PUDP: variants seen among roughly 807,000 people sequenced by gnomAD.
The protein encoded by PUDP is pseudouridine-5'-phosphatase.
Under a neutral mutation model 9.4 loss-of-function variants are expected in PUDP, and 8 were observed. The ratio of observed to expected loss-of-function variants is 0.85; its 90% CI spans 0.50 to 1.53. The LOEUF (loss-of-function observed/expected upper bound fraction) is 1.53. PUDP is among the 40% of genes most tolerant of loss of function. PUDP has a pLI of 0.00. For synonymous variants in PUDP, 99 were observed against 80.7 expected, an observed-to-expected ratio of 1.23 and a Z score of -1.22; for missense variants, 188 against 189.7, an observed-to-expected ratio of 0.99 and a Z score of 0.05.
intron 3 of PUDP, among the ~76,000 whole-genome samples, chrX:6,947,102 G>C (rs953030121): frequency 9.2e-6 from 1 of 108,947 alleles, no homozygotes; most frequent in African/African-American, 3.3e-5. Context: ...CTGGGTTCGA[G>C]TGATTCGCCT....
intron 1 of PUDP, among the ~76,000 whole-genome samples, chrX:6,993,348 C>G (rs991385838): frequency 2.7e-5 from 3 of 111,930 alleles, no homozygotes; most frequent in African/African-American, 9.8e-5. Flanking sequence ...CCAAAGTTCC[C>G]TGGTATTATT....
intron 3 of PUDP, among the ~76,000 whole-genome samples, chrX:7,053,100 G>A (rs962614585): frequency 2.7e-5 from 3 of 111,936 alleles, no homozygotes; most frequent in East Asian, 2.8e-4. Flanking sequence ...CAAAATATCC[G>A]TCACCTTCTC....
At position 6,788,630 on chromosome X, in the gene PUDP, G is replaced by A. The variant is rs751174404; in HGVS notation, c.*248-82164C>T. On this transcript the variant is annotated intron_variant and NMD_transcript_variant, in intron 3 of 3. Transcript: ENST00000655425. Reference sequence around the variant, plus strand: ...TGAGGCTGGAGGATTACTTGAGCCCGGGAGGCAGAGGTTGCAGTGAGCCGA... The same window carrying A: ...TGAGGCTGGAGGATTACTTGAGCCCAGGAGGCAGAGGTTGCAGTGAGCCGA... 6.3e-5 allele frequency among the ~76,000 whole-genome samples: 7 copies of A among 111,443 alleles called. No individual in the cohort carries two copies. The South Asian group carries it at 1.1e-3, about 18-fold the overall frequency.
intron 3 of PUDP, among the ~76,000 whole-genome samples, chrX:6,879,466 G>A (rs1016798010): frequency 6.6e-5 from 7 of 105,390 alleles, no homozygotes; most frequent in Admixed American, 1.0e-4. Context: ...ACACACACAC[G>A]TGTACATCAC....
chrX:6,997,901 G>A (rs1929272190), intron 1 of PUDP, among the ~76,000 whole-genome samples: 1 of 112,142 alleles, frequency 8.9e-6, no homozygotes, highest in Non-Finnish European at 1.9e-5. Context: ...TCAGAAAGTG[G>A]AGGTCATGTT....
chrX:7,052,095 C>T (rs1224363319), intron 3 of PUDP, among the ~76,000 whole-genome samples: 1 of 108,002 alleles, frequency 9.3e-6, no homozygotes. Flanking sequence ...TGCAGTGGTG[C>T]GATCTTGGCT....
chrX:6,962,497 C>A lies in PUDP; in HGVS notation c.*247+14636G>T, dbSNP rs1928723423. Among the ~76,000 whole-genome samples the A allele has an allele frequency of 3.6e-5, 4 of 111,875 alleles. No individual in the cohort carries two copies. In the South Asian group the frequency reaches 1.5e-3, roughly 42 times the overall value. On this transcript the variant is annotated intron_variant and NMD_transcript_variant, in intron 3 of 3. Coordinates refer to the PUDP transcript ENST00000655425. ...TATTTCTACAGCATGAACTCATTTTCTATATAACACAGTCACTTTGGAAAG... is the reference window on the plus strand; with the variant it reads ...TATTTCTACAGCATGAACTCATTTTATATATAACACAGTCACTTTGGAAAG...
chrX:6,913,516 G>T (rs1307477690), intron 3 of PUDP, among the ~76,000 whole-genome samples: 1 of 111,823 alleles, frequency 8.9e-6, no homozygotes, highest in Non-Finnish European at 1.9e-5. Context: ...CATAACAAAA[G>T]ATTAGTGAGA....
At chrX:6,769,434 T>C (rs756244600) in intron 3 of PUDP, among the ~76,000 whole-genome samples, 1 of 111,776 alleles carries the variant, frequency 8.9e-6, no homozygotes, top group African/African-American at 3.2e-5. Flanking sequence ...TGCTCTTCAT[T>C]AATCCACAGA....
At chrX:6,721,244 C>T (rs1924670367) in intron 1 of PUDP, among the ~76,000 whole-genome samples, 1 of 111,620 alleles carries the variant, frequency 9.0e-6, no homozygotes, top group African/African-American at 3.3e-5. Flanking sequence ...GTGAGAAATC[C>T]TCCTTTAGAA....
At chrX:6,748,074 C>T (rs1925021565) in intron 3 of PUDP, among the ~76,000 whole-genome samples, 1 of 111,888 alleles carries the variant, frequency 8.9e-6, no homozygotes, top group African/African-American at 3.2e-5. Context: ...TTATTTGACA[C>T]CTGGGGGTCT....
chrX:6,770,700 C>T (rs1464598524), intron 3 of PUDP, among the ~76,000 whole-genome samples: 1 of 111,264 alleles, frequency 9.0e-6, no homozygotes, highest in African/African-American at 3.3e-5. Context: ...TCCCAAACAG[C>T]GTTTCACACC....
At chrX:6,782,165 T>G (rs965460273) in intron 3 of PUDP, among the ~76,000 whole-genome samples, 5 of 111,419 alleles carry the variant, frequency 4.5e-5, no homozygotes, top group African/African-American at 1.6e-4. Context: ...TGCTCCTGGG[T>G]TCATGCCAGG....
intron 3 of PUDP, among the ~76,000 whole-genome samples, chrX:6,839,420 T>C (rs1258611271): frequency 1.8e-5 from 2 of 111,348 alleles, no homozygotes; most frequent in Non-Finnish European, 3.8e-5. Context: ...GAGCAGTCGT[T>C]AGAAATTTGG....
At chrX:6,931,543 A>C (rs1002313030) in intron 3 of PUDP, among the ~76,000 whole-genome samples, 1 of 111,875 alleles carries the variant, frequency 8.9e-6, no homozygotes, top group African/African-American at 3.3e-5. Flanking sequence ...GTTCTACTCC[A>C]TAGGAGGGAA....
chrX:7,045,388 G>T (rs897657859), downstream of PUDP, among the ~76,000 whole-genome samples: 33 of 111,999 alleles, frequency 2.9e-4, no homozygotes, highest in Non-Finnish European at 5.1e-4. Flanking sequence ...CTGGATTTCT[G>T]CCCTACTAAC....
intron 2 of PUDP, among the ~76,000 whole-genome samples, chrX:7,094,353 A>ATTTT (rs57548230): frequency 2.7e-5 from 2 of 73,505 alleles, no homozygotes; most frequent in Non-Finnish European, 5.1e-5. Context: ...GAATAAGCTG[A>ATTTT]TTTTTTTTTT....
intron 3 of PUDP, among the ~76,000 whole-genome samples, chrX:7,063,620 G>A (rs971812371): frequency 2.2e-4 from 25 of 111,431 alleles, no homozygotes; most frequent in Admixed American, 1.0e-3. Flanking sequence ...AGATAATTAT[G>A]TTTTTTAAAT....
At chrX:6,721,907 G>C (rs1352631239), upstream of PUDP, among the ~76,000 whole-genome samples, 6 of 111,589 alleles carry the variant, frequency 5.4e-5, no homozygotes, top group African/African-American at 2.0e-4. Flanking sequence ...AAATCTCCTA[G>C]TAAATATCAA....
Sources: gnomAD v4.1 joint callset for allele counts (sites outside exome capture counted in the v4.1 genomes callset) on GRCh38, gnomAD v4.1.1 for gene constraint, MANE v1.5 for transcripts, NCBI Gene and HGNC (gene_info 2026-07-23, HGNC 2026-07-21) for gene names.